Variants in NFE2L1 observed in about 807,000 individuals in gnomAD.
NFE2L1 encodes the protein NFE2 like bZIP transcription factor 1.
NFE2L1 carries 18 observed loss-of-function variants against 61.6 expected under a neutral mutation model. The observed-to-expected ratio is 0.29, with a 90% CI of 0.20 to 0.43. The LOEUF (loss-of-function observed/expected upper bound fraction) is 0.43. NFE2L1 is among the 20% of genes least tolerant of loss of function. The probability of loss-of-function intolerance (pLI) is 1.00; values close to 1 mark genes in which losing one functional copy is unlikely to be tolerated. For missense variants in NFE2L1, 827 were observed against 973.5 expected, an observed-to-expected ratio of 0.85 and a Z score of 2.00; for synonymous variants, 419 against 402.7, an observed-to-expected ratio of 1.04 and a Z score of -0.48.
rs576081330 is a variant in NFE2L1 at position 48,049,952 on chromosome 17, C to G, written c.-512-655C>G. 5.3e-5 allele frequency among the ~76,000 whole-genome samples: 8 copies of G among 152,252 alleles called. No individual in the cohort carries two copies. The South Asian group carries it at 1.2e-3, about 24-fold the overall frequency. Reference sequence around the variant, plus strand: ...ATGTGAAAATAGAAGCTGGGTAATGCGCCTGTAGTGGGGGAGGAGGGCTGG... The same window carrying G: ...ATGTGAAAATAGAAGCTGGGTAATGGGCCTGTAGTGGGGGAGGAGGGCTGG... On this transcript the variant is annotated intron_variant, in intron 1 of 5. Transcript: ENST00000362042.
Position 48,051,150 on chromosome 17 carries a change from G to C in NFE2L1, c.32G>C (p.Gly11Ala). The change falls in exon 2 of 6, where the codon GGA becomes GCA. Residue 11 changes from glycine to alanine, a missense_variant. Gly to Ala is a moderately conservative substitution (Grantham distance 60, BLOSUM62 0). Transcript: ENST00000362042. MLSLKKYLTE[G>A]LLQFTILLSL... is the part of the protein sequence containing the mutation. ...TCTCTGAAGAAATACTTAACGGAAG[G>C]ACTTCTCCAGTTCACCATTCTGCTG... The C allele has an allele frequency of 6.2e-7, 1 of 1,614,148 alleles. No homozygotes were observed. Among genetic ancestry groups the C allele is most frequent in the Non-Finnish European group, 8.5e-7 (1 of 1,180,028 alleles).
chr17:48,059,880 T>C lies in NFE2L1; in HGVS notation c.*239T>C. ...ACGGACAGGGTCCTCACCCTACCCC[T>C]TTCCTGTGAGGCAGGGGTGGTGGTG... On this transcript the variant is annotated 3_prime_UTR_variant, in exon 6 of 6. Coordinates refer to ENST00000362042, the MANE Select transcript of NFE2L1 (RefSeq NM_003204.3). The surrounding 1 kb of genome is among the most constrained non-coding windows in gnomAD (Gnocchi z 6.1). 2 of 520,176 alleles carry C rather than the reference T, an allele frequency of 3.8e-6. No individual in the cohort carries two copies. The highest frequency in any genetic ancestry group is 5.1e-4 in the Middle Eastern group (1 of 1,952). The allele number at this position is 520,176 out of a possible 1,614,324, so 32.2% of individuals were successfully genotyped here. A position where few individuals can be genotyped will look rare whatever the true frequency, so the allele number is the denominator to read the frequency against.
At chr17:48,055,011 C>A (rs2037359062) in intron 2 of NFE2L1, 2 of 1,514,126 alleles carry the variant, frequency 1.3e-6, no homozygotes, top group East Asian at 2.6e-5. Flanking sequence ...GGGCTCATCT[C>A]GCAGACCATG....
intron 5 of NFE2L1, 133 bp from the exon 6 acceptor site, chr17:48,058,162 A>C (rs1006687204): frequency 1.5e-6 from 2 of 1,292,972 alleles, no homozygotes; most frequent in African/African-American, 3.0e-5. Context: ...AGGAGCTGAC[A>C]CTGTGGGCTT....
At chr17:48,056,634 T>C in intron 3 of NFE2L1, 36 bp downstream of exon 3, 1 of 1,606,744 alleles carries the variant, frequency 6.2e-7, no homozygotes, top group South Asian at 1.1e-5. Context: ...TCTCTTCTTG[T>C]CCCTACTACC....
chr17:48,056,303 G>A (rs558644630), intron 2 of NFE2L1, 83 bp from the exon 3 acceptor site: 2 of 1,527,608 alleles, frequency 1.3e-6, no homozygotes, highest in Non-Finnish European at 1.8e-6. Context: ...TAACTGGGGT[G>A]ACACTAGGAG....
rs1034215162 is a variant in NFE2L1 at position 48,059,832 on chromosome 17, G to A, written c.*191G>A. ...GCTGGCTCAGCTCCACTCGGGTGGA[G>A]TGGAAGTGGCCAGACCATTTAGACG... On this transcript the variant is annotated 3_prime_UTR_variant, in exon 6 of 6. Coordinates refer to ENST00000362042, the MANE Select transcript of NFE2L1 (RefSeq NM_003204.3). The surrounding 1 kb of genome is among the most constrained non-coding windows in gnomAD (Gnocchi z 6.1). 1.2e-6 allele frequency: 1 copy of A among 806,864 alleles called. No homozygotes were observed. Among genetic ancestry groups the A allele is most frequent in the African/African-American group, 1.7e-5 (1 of 57,984 alleles). The allele number at this position is 806,864 out of a possible 1,614,324, so 50.0% of individuals were successfully genotyped here. A position where few individuals can be genotyped will look rare whatever the true frequency, so the allele number is the denominator to read the frequency against.
rs751754725 is a variant in NFE2L1, at chr17:48,058,498, G to A, written c.1176G>A (p.Thr392=). 4 of 1,613,112 alleles carry A rather than the reference G, an allele frequency of 2.5e-6. No homozygotes were observed. The highest frequency in any genetic ancestry group is 1.7e-6 in the Non-Finnish European group (2 of 1,179,446). The change falls in exon 6 of 6, where the codon ACG becomes ACA. Residue 392 remains threonine (T), a synonymous_variant. Coordinates refer to ENST00000362042, the MANE Select transcript of NFE2L1 (RefSeq NM_003204.3). ...GCCTGCCTGTGGCCAGTAGCTCCAC[G>A]CTGCTCCCGTTGGCCCCCAGCAATT... ...VESLPVASSS[T]LLPLAPSNST... is the part of the protein sequence containing the mutation.
intron 1 of NFE2L1, chr17:48,049,224 C>T (rs540927010): frequency 1.3e-5 from 2 of 152,362 alleles, no homozygotes; most frequent in South Asian, 4.1e-4. Context: ...GATTTACTTC[C>T]TCTGCACTGG....
At chr17:48,058,194 T>C in intron 5 of NFE2L1, 101 bp from the exon 6 acceptor site, 1 of 1,477,166 alleles carries the variant, frequency 6.8e-7, no homozygotes, top group Non-Finnish European at 9.0e-7. Context: ...ATTTTGCCTT[T>C]ACACCCATGC....
At position 48,061,226 on chromosome 17, in the gene NFE2L1, C is replaced by T. The variant is rs1231388414; in HGVS notation, c.*1585C>T. 3 of 152,178 alleles carry T rather than the reference C, an allele frequency of 2.0e-5. No homozygotes were observed. Among genetic ancestry groups the T allele is most frequent in the Non-Finnish European group, 4.4e-5 (3 of 68,034 alleles). The allele number at this position is 152,178 out of a possible 1,614,324, so 9.4% of individuals were successfully genotyped here. A position where few individuals can be genotyped will look rare whatever the true frequency, so the allele number is the denominator to read the frequency against. On this transcript the variant is annotated 3_prime_UTR_variant, in exon 6 of 6. Coordinates refer to ENST00000362042, the MANE Select transcript of NFE2L1 (RefSeq NM_003204.3). ...TAACTGTTTGCCACTGCTGCCCTCA[C>T]CCCTGCCCGGCTCTGGAGTACCGTC...
In NFE2L1 at chr17:48,058,636, G is replaced by A; in HGVS notation, c.1314G>A (p.Leu438=). ...CAGGCCCAGAGCTGCCTGACCCTTTGGGGGGTCTGTTAGATGAAGCTATGT... is the reference window on the plus strand; with the variant it reads ...CAGGCCCAGAGCTGCCTGACCCTTTAGGGGGTCTGTTAGATGAAGCTATGT... ...DTAGPELPDP[L]GGLLDEAMLD... Residue 438 remains leucine (L), a synonymous_variant, in exon 6 of 6, where the codon TTG becomes TTA. Transcript: ENST00000362042. The A allele has an allele frequency of 6.2e-7, 1 of 1,614,150 alleles. No individual in the cohort carries two copies. The highest frequency in any genetic ancestry group is 8.5e-7 in the Non-Finnish European group (1 of 1,180,010).
rs887748925 is a variant in NFE2L1 at position 48,054,775 on chromosome 17, G to T, written c.511-1611G>T. 20 of 1,318,390 alleles carry T rather than the reference G, an allele frequency of 1.5e-5. No individual in the cohort carries two copies. In the African/African-American group the frequency reaches 3.1e-4, roughly 20 times the overall value. The allele number at this position is 1,318,390 out of a possible 1,614,324, so 81.7% of individuals were successfully genotyped here. A position where few individuals can be genotyped will look rare whatever the true frequency, so the allele number is the denominator to read the frequency against. On this transcript the variant is annotated intron_variant, in intron 2 of 5. Coordinates refer to ENST00000362042, the MANE Select transcript of NFE2L1 (RefSeq NM_003204.3). ...GCAGCCTCTGCGGTGAGCTCAGGGT[G>T]GGGGCAGCTGGGCGCCTGAGTGGAA...
At position 48,050,990 on chromosome 17, in the gene NFE2L1, C is replaced by A; in HGVS notation, c.-129C>A. ...CAGGGAGCTCATCCCTTGTGTTCTG[C>A]CAGGGTGGGGTACGGGGTTTGACAC... On this transcript the variant is annotated 5_prime_UTR_variant, in exon 2 of 6. It introduces an in-frame stop codon into an upstream open reading frame of the 5' UTR. Coordinates refer to ENST00000362042, the MANE Select transcript of NFE2L1 (RefSeq NM_003204.3). 1 of 1,145,064 alleles carries A rather than the reference C, an allele frequency of 8.7e-7. No homozygotes were observed. The highest frequency in any genetic ancestry group is 1.3e-6 in the Non-Finnish European group (1 of 796,714). 70.9% of individuals were successfully genotyped at this position (1,145,064 alleles called of 1,614,324 possible). A position where few individuals can be genotyped will look rare whatever the true frequency, so the allele number is the denominator to read the frequency against.
In NFE2L1 at chr17:48,057,144, TCCA is replaced by T. The variant is rs764582179; in HGVS notation, c.813+27_813+29del. ...GAGGTGAGCAGGACTCCAGTGAGAGTCCACCAAGTGAGCAGGGCAGCCTGTACC... is the reference window on the plus strand; with the variant it reads ...GAGGTGAGCAGGACTCCAGTGAGAGTCCAAGTGAGCAGGGCAGCCTGTACC... On this transcript the variant is annotated intron_variant, in intron 4 of 5. Coordinates refer to ENST00000362042, the MANE Select transcript of NFE2L1 (RefSeq NM_003204.3). 22 of 1,611,106 alleles carry T rather than the reference TCCA, an allele frequency of 1.4e-5. No homozygotes were observed. In the South Asian group the frequency reaches 2.4e-4, roughly 18 times the overall value.
intron 2 of NFE2L1, among the ~76,000 whole-genome samples, chr17:48,053,808 G>T (rs962000088): frequency 3.9e-5 from 6 of 152,180 alleles, no homozygotes; most frequent in African/African-American, 1.2e-4. Context: ...CCAGGAATCA[G>T]GCAGAGAATG....
intron 2 of NFE2L1, chr17:48,054,969 C>G: frequency 1.4e-6 from 2 of 1,479,612 alleles, no homozygotes; most frequent in South Asian, 2.6e-5. Context: ...CCTTGCAGCC[C>G]CCTGTCCGGC....
rs2037458303 is a variant in NFE2L1 at position 48,058,433 on chromosome 17, T to C, written c.1111T>C (p.Cys371Arg). ...VSLHQASLGG[C>R]SQDFLLFSPE... ...CCTGCATCAGGCGTCCCTGGGGGGC[T>C]GCAGCCAGGACTTCTTACTCTTCAG... is the stretch of plus-strand genomic sequence containing the variant. The change falls in exon 6 of 6, where the codon TGC becomes CGC. Residue 371 changes from cysteine (C) to arginine (R), a missense_variant. Transcript: ENST00000362042. 1 of 1,614,110 alleles carries C rather than the reference T, an allele frequency of 6.2e-7. No individual in the cohort carries two copies.
chr17:48,051,333 T>C lies in NFE2L1; in HGVS notation c.215T>C (p.Ile72Thr), dbSNP rs202059159. 2 of 1,614,054 alleles carry C rather than the reference T, an allele frequency of 1.2e-6. No homozygotes were observed. The highest frequency in any genetic ancestry group is 2.2e-5 in the East Asian group (1 of 44,870). The change falls in exon 2 of 6, where the codon ATA (isoleucine) becomes ACA (threonine). Residue 72 changes from isoleucine (I) to threonine (T), a missense_variant. Transcript: ENST00000362042. ...LDGYGIHPKS[I>T]DLDNYFTARR... ...GGCTATGGTATCCACCCCAAGAGCA[T>C]AGACCTGGACAATTACTTCACTGCC...
Sources: gnomAD v4.1 joint callset for allele counts (sites outside exome capture counted in the v4.1 genomes callset) on GRCh38, gnomAD v4.1.1 for gene constraint, Gnocchi (gnomAD v3.1) non-coding constraint, MANE v1.5 for transcripts, NCBI Gene and HGNC (gene_info 2026-07-23, HGNC 2026-07-21) for gene names.